The following CREB5 variants were observed in gnomAD, a reference collection of about 807,000 sequenced individuals.
CREB5 encodes cyclic AMP-responsive element-binding protein 5.
Under a neutral mutation model 57.1 loss-of-function variants are expected in CREB5, and 19 were observed. The ratio of observed to expected loss-of-function variants is 0.33; its 90% CI spans 0.23 to 0.49. CREB5 has a LOEUF of 0.49. Ranked by LOEUF, CREB5 falls within the 20% of genes least tolerant of loss-of-function variation. The pLI is 0.99. For synonymous variants in CREB5, 238 were observed against 238.3 expected, an observed-to-expected ratio of 1.00 and a Z score of 0.01; for missense variants, 579 against 671.6, an observed-to-expected ratio of 0.86 and a Z score of 1.52.
At chr7:28,540,184 A>G (rs1325302996) in intron 4 of CREB5, among the ~76,000 whole-genome samples, 1 of 152,208 alleles carries the variant, frequency 6.6e-6, no homozygotes, top group African/African-American at 2.4e-5. Flanking sequence ...AGGGCCTAGT[A>G]TAATTTTTCT....
chr7:28,712,735 T>C (rs1360617788), intron 5 of CREB5, among the ~76,000 whole-genome samples: 1 of 151,730 alleles, frequency 6.6e-6, no homozygotes, highest in Non-Finnish European at 1.5e-5. Flanking sequence ...GGTTTCACTG[T>C]GTTGGCCAGA....
intron 1 of CREB5, among the ~76,000 whole-genome samples, chr7:28,334,453 A>G (rs906462206): frequency 6.6e-5 from 10 of 152,108 alleles, no homozygotes; most frequent in Admixed American, 5.9e-4. Flanking sequence ...CACCATGCCC[A>G]GCTAACCACC....
At chr7:28,300,057 T>C (rs1293925818) in intron 1 of CREB5, among the ~76,000 whole-genome samples, 6 of 1,462 alleles carry the variant, frequency 4.1e-3, no homozygotes, top group Non-Finnish European at 6.0e-3. Flanking sequence ...TAGCTTTATT[T>C]ATTTATTTAT....
chr7:28,760,721 A>G (rs2128769300), intron 7 of CREB5, among the ~76,000 whole-genome samples: 1 of 152,350 alleles, frequency 6.6e-6, no homozygotes, highest in South Asian at 2.1e-4. Flanking sequence ...TAATAAAAGC[A>G]TTGAATAAAA....
At chr7:28,607,734 GCTGTGTGTGTGT>G (rs1454062291) in intron 5 of CREB5, among the ~76,000 whole-genome samples, 1 of 128,814 alleles carries the variant, frequency 7.8e-6, no homozygotes, top group Non-Finnish European at 1.6e-5. Context: ...TGCCCACAGG[GCTGTGTGTGTGT>G]GTGTGTGTGT....
intron 5 of CREB5, among the ~76,000 whole-genome samples, chr7:28,621,027 A>T (rs919407788): frequency 6.6e-6 from 1 of 152,222 alleles, no homozygotes; most frequent in African/African-American, 2.4e-5. Flanking sequence ...TTTTAGAATG[A>T]TGTGGCCATT....
chr7:28,404,161 G>T (rs1446882194), intron 1 of CREB5, among the ~76,000 whole-genome samples: 1 of 152,136 alleles, frequency 6.6e-6, no homozygotes, highest in Non-Finnish European at 1.5e-5. Context: ...CTGTTTACTT[G>T]TGATGAGGAA....
At chr7:28,562,602 T>A (rs1052190069) in intron 4 of CREB5, among the ~76,000 whole-genome samples, 1 of 152,214 alleles carries the variant, frequency 6.6e-6, no homozygotes, top group Non-Finnish European at 1.5e-5. Context: ...ATTATATCAG[T>A]GTGCAAGCTG....
intron 3 of CREB5, among the ~76,000 whole-genome samples, chr7:28,499,018 G>A (rs1197804259): frequency 6.6e-6 from 1 of 152,204 alleles, no homozygotes; most frequent in East Asian, 1.9e-4. Flanking sequence ...GCAACGTTTG[G>A]TTTGAAAATC....
At chr7:28,490,623 G>A (rs1005045543) in intron 2 of CREB5, among the ~76,000 whole-genome samples, 4 of 152,174 alleles carry the variant, frequency 2.6e-5, no homozygotes, top group Non-Finnish European at 2.9e-5. Flanking sequence ...TCTGTGTCTT[G>A]GGTAGCTGTC....
At chr7:28,519,830 T>C (rs962195801) in intron 4 of CREB5, among the ~76,000 whole-genome samples, 1 of 152,256 alleles carries the variant, frequency 6.6e-6, no homozygotes, top group Non-Finnish European at 1.5e-5. Flanking sequence ...CATTTTGCTC[T>C]TCTTAAATTT....
intron 7 of CREB5, among the ~76,000 whole-genome samples, chr7:28,784,423 A>G (rs1281953685): frequency 1.3e-5 from 2 of 151,998 alleles, no homozygotes; most frequent in African/African-American, 2.4e-5. Context: ...GCAGGGGGAA[A>G]GTGGAAAAAT....
chr7:28,530,636 C>G (rs1215074984), intron 4 of CREB5, among the ~76,000 whole-genome samples: 1 of 152,356 alleles, frequency 6.6e-6, no homozygotes, highest in Middle Eastern at 3.4e-3. Context: ...GGCCCTCCCT[C>G]TACGCTGCTG....
intron 1 of CREB5, among the ~76,000 whole-genome samples, chr7:28,305,718 CT>C (rs112359198): frequency 0.13 from 17,448 of 137,538 alleles, 997 homozygotes; most frequent in Middle Eastern, 0.16. Context: ...TTTTTCTTTT[CT>C]TTTTTTTTTT....
intron 1 of CREB5, among the ~76,000 whole-genome samples, chr7:28,451,596 A>G (rs1789815858): frequency 1.3e-5 from 2 of 151,884 alleles, no homozygotes; most frequent in African/African-American, 2.4e-5. Flanking sequence ...GAATCTGCCT[A>G]GAGGTTTCAT....
intron 7 of CREB5, chr7:28,749,692 C>T (rs535760372): frequency 6.6e-6 from 1 of 152,254 alleles, no homozygotes; most frequent in Admixed American, 6.5e-5. Context: ...GGTCTCATTA[C>T]AACAATGTCC....
At chr7:28,367,205 C>T (rs4722787) in intron 1 of CREB5, among the ~76,000 whole-genome samples, 53,328 of 151,936 alleles carry the variant, frequency 0.35, 9,644 homozygotes, top group Non-Finnish European at 0.39. Flanking sequence ...TTGGCCATCT[C>T]TTCATCAGTC....
At chr7:28,791,018 C>G (rs1005268410) in intron 7 of CREB5, among the ~76,000 whole-genome samples, 1 of 152,118 alleles carries the variant, frequency 6.6e-6, no homozygotes, top group Admixed American at 6.5e-5. Context: ...TGAAAACAAC[C>G]GTATAGGATA....
intron 5 of CREB5, among the ~76,000 whole-genome samples, chr7:28,585,711 C>T (rs1796281939): frequency 6.6e-6 from 1 of 152,072 alleles, no homozygotes; most frequent in Non-Finnish European, 1.5e-5. Context: ...TAAAGCCCCA[C>T]CACCAGAATT....
Sources: allele counts gnomAD v4.1 joint callset (sites outside exome capture counted in the v4.1 genomes callset), GRCh38; gene constraint gnomAD v4.1.1; transcripts MANE v1.5; gene names NCBI Gene and HGNC (gene_info 2026-07-23, HGNC 2026-07-21).